GRID2: variants seen among roughly 807,000 people sequenced by gnomAD.
GRID2 encodes the protein glutamate receptor ionotropic, delta-2.
A neutral mutation model predicts 114.8 loss-of-function variants in GRID2; 33 were observed. That is an observed-to-expected ratio of 0.29 (90% CI 0.22 to 0.38). The LOEUF is 0.38. Among genes scored for constraint, GRID2 ranks in the 10% least tolerant of loss-of-function variants. The probability of loss-of-function intolerance (pLI) is 1.00; values close to 1 mark genes in which losing one functional copy is unlikely to be tolerated. For missense variants in GRID2, 1,184 were observed against 1,257.7 expected, an observed-to-expected ratio of 0.94 and a Z score of 0.89; for synonymous variants, 505 against 449.9, an observed-to-expected ratio of 1.12 and a Z score of -1.55.
chr4:92,990,287 G>A (rs1432100395), intron 2 of GRID2, among the ~76,000 whole-genome samples: 1,282 of 126,966 alleles, frequency 0.01, 23 homozygotes, highest in East Asian at 0.029. Flanking sequence ...ATATGTGTGT[G>A]TATATATATA....
chr4:92,983,680 A>C (rs959472238), intron 2 of GRID2, among the ~76,000 whole-genome samples: 2 of 152,104 alleles, frequency 1.3e-5, no homozygotes, highest in Non-Finnish European at 2.9e-5. Context: ...TTTAAGATGG[A>C]AAACACCTAT....
intron 12 of GRID2, among the ~76,000 whole-genome samples, chr4:93,508,200 A>ATTT (rs147557747): frequency 1.4e-5 from 2 of 140,398 alleles, no homozygotes; most frequent in African/African-American, 2.7e-5. Flanking sequence ...TTTGTTTTTG[A>ATTT]TTTTTTTTTT....
intron 4 of GRID2, among the ~76,000 whole-genome samples, chr4:93,189,265 CTG>C (rs35258777): frequency 0.074 from 11,274 of 152,110 alleles, 433 homozygotes; most frequent in East Asian, 0.16. Context: ...ATTATGGAGA[CTG>C]AGAAGTTCAA....
intron 8 of GRID2, among the ~76,000 whole-genome samples, chr4:93,289,467 T>C (rs1464475308): frequency 6.6e-6 from 1 of 152,164 alleles, no homozygotes; most frequent in Non-Finnish European, 1.5e-5. Flanking sequence ...CCTTAAAGGA[T>C]GCTGGCTGCC....
chr4:93,496,553 C>A (rs1451284800), intron 12 of GRID2, among the ~76,000 whole-genome samples: 2 of 151,774 alleles, frequency 1.3e-5, no homozygotes, highest in African/African-American at 4.8e-5. Flanking sequence ...CCAACCCCAA[C>A]CTCTGGTAAC....
At chr4:93,145,469 TTA>T (rs1333861195) in intron 4 of GRID2, among the ~76,000 whole-genome samples, 2 of 97,236 alleles carry the variant, frequency 2.1e-5, no homozygotes, top group South Asian at 3.1e-4. Flanking sequence ...ATTTATTTAT[TTA>T]TTTTTTTTTG....
At chr4:93,238,515 A>G in intron 8 of GRID2, 25 bp downstream of exon 8, 3 of 1,596,666 alleles carry the variant, frequency 1.9e-6, no homozygotes, top group Non-Finnish European at 2.6e-6. Context: ...ACTGATTAAT[A>G]CGCTTTTTCC....
chr4:92,934,395 G>A (rs1055316017), intron 2 of GRID2, among the ~76,000 whole-genome samples: 3 of 150,774 alleles, frequency 2.0e-5, no homozygotes, highest in African/African-American at 7.3e-5. Flanking sequence ...CTGAGACTTT[G>A]CTGAAGCTGC....
intron 11 of GRID2, among the ~76,000 whole-genome samples, chr4:93,478,948 A>G (rs1470248058): frequency 1.3e-5 from 2 of 152,236 alleles, no homozygotes; most frequent in East Asian, 1.9e-4. Context: ...TTAGTCATTT[A>G]AAACCAACTG....
intron 1 of GRID2, among the ~76,000 whole-genome samples, chr4:92,337,606 T>C (rs541223073): frequency 2.6e-4 from 39 of 152,234 alleles, no homozygotes; most frequent in African/African-American, 9.4e-4. Context: ...GAGAGAGAAG[T>C]GAGCAAGAGA....
chr4:92,723,426 A>G (rs1315045902), intron 2 of GRID2, among the ~76,000 whole-genome samples: 2 of 152,160 alleles, frequency 1.3e-5, no homozygotes, highest in African/African-American at 4.8e-5. Flanking sequence ...TGTGTAATGT[A>G]TCAGCATTTG....
At chr4:92,621,912 G>A (rs561872910) in intron 2 of GRID2, among the ~76,000 whole-genome samples, 3 of 151,932 alleles carry the variant, frequency 2.0e-5, no homozygotes, top group Non-Finnish European at 2.9e-5. Context: ...GAAAAAATTC[G>A]AAGAGAGAGA....
chr4:93,727,600 T>G (rs1369494078), intron 14 of GRID2, among the ~76,000 whole-genome samples: 2 of 152,218 alleles, frequency 1.3e-5, no homozygotes, highest in African/African-American at 4.8e-5. Context: ...AATTCGGCTG[T>G]GAATCCATCT....
chr4:93,336,221 G>C (rs935564292), intron 8 of GRID2, among the ~76,000 whole-genome samples: 3 of 151,834 alleles, frequency 2.0e-5, no homozygotes, highest in Non-Finnish European at 2.9e-5. Context: ...GCAGTCTTTT[G>C]AACTGTATTC....
chr4:92,774,810 G>T (rs1738712790), intron 2 of GRID2, among the ~76,000 whole-genome samples: 2 of 151,826 alleles, frequency 1.3e-5, no homozygotes, highest in African/African-American at 4.8e-5. Context: ...TGCCCAGGCT[G>T]GTCTCAAACC....
intron 1 of GRID2, among the ~76,000 whole-genome samples, chr4:92,455,834 C>T (rs957022620): frequency 6.6e-6 from 1 of 152,114 alleles, no homozygotes; most frequent in Non-Finnish European, 1.5e-5. Context: ...TACTAGAATG[C>T]AATAGTAAAT....
At chr4:92,584,490 C>T (rs1029713772) in intron 1 of GRID2, among the ~76,000 whole-genome samples, 52 of 151,812 alleles carry the variant, frequency 3.4e-4, no homozygotes, top group Non-Finnish European at 7.4e-5. Context: ...TAATAAACTC[C>T]CCAAGGCAGA....
intron 2 of GRID2, among the ~76,000 whole-genome samples, chr4:92,920,552 A>G (rs938378715): frequency 6.6e-6 from 1 of 152,150 alleles, no homozygotes. Flanking sequence ...GGTGTTGACA[A>G]AATCTCTCAG....
intron 2 of GRID2, among the ~76,000 whole-genome samples, chr4:92,726,004 A>T (rs867015290): frequency 3.3e-5 from 5 of 152,238 alleles, no homozygotes; most frequent in Middle Eastern, 3.4e-3. Flanking sequence ...TGAGTACAAC[A>T]TAAATTGTGC....
Sources: gnomAD v4.1 joint callset for allele counts (sites outside exome capture counted in the v4.1 genomes callset) on GRCh38, gnomAD v4.1.1 for gene constraint, MANE v1.5 for transcripts, NCBI Gene and HGNC (gene_info 2026-07-23, HGNC 2026-07-21) for gene names.